The following STX19 variants were observed in gnomAD, a reference collection of about 807,000 sequenced individuals.
STX19 encodes syntaxin 19, also known as syntaxin-19.
STX19 carries 26 observed loss-of-function variants against 24.3 expected under a neutral mutation model. The observed-to-expected ratio is 1.07, with a 90% CI of 0.78 to 1.48. The LOEUF is 1.48. Among genes scored for constraint, STX19 ranks in the 40% most tolerant of loss-of-function variants. The pLI is 0.00. For missense variants in STX19, 367 were observed against 331.9 expected, an observed-to-expected ratio of 1.11 and a Z score of -0.82; for synonymous variants, 116 against 106.9, an observed-to-expected ratio of 1.09 and a Z score of -0.52.
intron 1 of STX19, among the ~76,000 whole-genome samples, chr3:94,018,375 C>G (rs966597652): frequency 1.3e-5 from 2 of 152,180 alleles, no homozygotes; most frequent in Admixed American, 6.5e-5. Context: ...CCCATCAGCA[C>G]TTAACACAAT....
At chr3:94,016,739 C>T (rs1160110719) in intron 1 of STX19, among the ~76,000 whole-genome samples, 1 of 151,906 alleles carries the variant, frequency 6.6e-6, no homozygotes, top group East Asian at 1.9e-4. Context: ...TTCTGCCTCC[C>T]GGGTTTAAGT....
chr3:94,016,672 A>G (rs2076339714), intron 1 of STX19, among the ~76,000 whole-genome samples: 2 of 139,952 alleles, frequency 1.4e-5, no homozygotes, highest in African/African-American at 5.3e-5. Flanking sequence ...TTGGAGATGG[A>G]GTCTTGCTCT....
Position 94,015,182 on chromosome 3 carries a change from CCT to C in STX19, c.86_87del (p.Glu29GlyfsTer13). ...RDSHVSTTETEEQGVFLQQAV... is the reference protein window; with the variant it reads ...RDSHVSTTETXEQGVFLQQAV... The stretch of plus-strand genomic sequence containing the variant: ...GCTTGCTGTAGAAACACCCCTTGTT[CCT>C]CTGTTTCTGTAGTTGATACATGACT... On this transcript the variant is annotated frameshift_variant, in exon 2 of 2. Transcript: ENST00000315099. LOFTEE classifies it high-confidence loss of function. 1 of 1,613,718 alleles carries C rather than the reference CCT, an allele frequency of 6.2e-7. No individual in the cohort carries two copies. The highest frequency in any genetic ancestry group is 8.5e-7 in the Non-Finnish European group (1 of 1,179,862).
intron 1 of STX19, among the ~76,000 whole-genome samples, chr3:94,020,496 C>T (rs545534921): frequency 6.6e-6 from 1 of 152,182 alleles, no homozygotes; most frequent in South Asian, 2.1e-4. Context: ...CATAGCTTTA[C>T]TATGCTATGA....
intron 1 of STX19, among the ~76,000 whole-genome samples, chr3:94,026,468 T>C (rs1253295532): frequency 6.6e-6 from 1 of 152,190 alleles, no homozygotes; most frequent in Non-Finnish European, 1.5e-5. Flanking sequence ...TACTCAAATA[T>C]GTTTATATGC....
At chr3:94,026,988 C>A (rs1576008568) in intron 1 of STX19, among the ~76,000 whole-genome samples, 1 of 151,936 alleles carries the variant, frequency 6.6e-6, no homozygotes, top group Admixed American at 6.6e-5. Context: ...ACTGAAAATC[C>A]CTAGAAACAG....
intron 1 of STX19, among the ~76,000 whole-genome samples, chr3:94,018,735 T>C (rs1004873769): frequency 2.6e-5 from 4 of 152,154 alleles, no homozygotes; most frequent in Admixed American, 6.5e-5. Context: ...ACTCTATTTT[T>C]CCAGTTGCTC....
intron 1 of STX19, among the ~76,000 whole-genome samples, chr3:94,015,673 C>T (rs1187974173): frequency 6.6e-6 from 1 of 151,952 alleles, no homozygotes; most frequent in Non-Finnish European, 1.5e-5. Flanking sequence ...ATACTGTTTC[C>T]GGTTAATTTG....
intron 1 of STX19, among the ~76,000 whole-genome samples, chr3:94,022,675 A>G (rs768327845): frequency 6.6e-6 from 1 of 152,020 alleles, no homozygotes; most frequent in African/African-American, 2.4e-5. Context: ...AGTTTTTTCA[A>G]TGGATAGAGA....
intron 1 of STX19, among the ~76,000 whole-genome samples, chr3:94,016,959 G>T (rs1302428662): frequency 6.6e-6 from 1 of 152,078 alleles, no homozygotes; most frequent in East Asian, 1.9e-4. Flanking sequence ...TAAGCTTTCT[G>T]TCAGAACCAT....
intron 1 of STX19, among the ~76,000 whole-genome samples, chr3:94,021,101 A>T (rs1271432657): frequency 6.6e-6 from 1 of 151,874 alleles, no homozygotes; most frequent in Non-Finnish European, 1.5e-5. Flanking sequence ...ATTAGTCAGG[A>T]GGAATATTAG....
chr3:94,015,588 T>C (rs1206327834), intron 1 of STX19, among the ~76,000 whole-genome samples: 1 of 152,154 alleles, frequency 6.6e-6, no homozygotes, highest in Non-Finnish European at 1.5e-5. Context: ...TTTTTTGTAA[T>C]AAAGAATGCT....
At chr3:94,017,395 A>G (rs2076355656) in intron 1 of STX19, among the ~76,000 whole-genome samples, 3 of 152,202 alleles carry the variant, frequency 2.0e-5, no homozygotes, top group African/African-American at 4.8e-5. Flanking sequence ...GAGCTGCTTC[A>G]TGAGGTGCTG....
chr3:94,018,814 G>A (rs1428006229), intron 1 of STX19, among the ~76,000 whole-genome samples: 5 of 152,086 alleles, frequency 3.3e-5, no homozygotes, highest in East Asian at 1.9e-4. Flanking sequence ...CCCCTAGGCC[G>A]GAGTGCAGTG....
At chr3:94,020,887 A>G (rs1411715379) in intron 1 of STX19, among the ~76,000 whole-genome samples, 3 of 152,138 alleles carry the variant, frequency 2.0e-5, no homozygotes, top group South Asian at 2.1e-4. Flanking sequence ...AGTACAATTT[A>G]TGTAAATAGG....
chr3:94,020,221 T>C (rs1453694810), intron 1 of STX19, among the ~76,000 whole-genome samples: 1 of 152,170 alleles, frequency 6.6e-6, no homozygotes, highest in East Asian at 1.9e-4. Context: ...CTTGAGTTCT[T>C]ATGTTGAGAT....
At chr3:94,024,995 G>C (rs2076526442) in intron 1 of STX19, among the ~76,000 whole-genome samples, 1 of 152,190 alleles carries the variant, frequency 6.6e-6, no homozygotes. Flanking sequence ...TTGGAGCACA[G>C]TGTACACAGG....
At chr3:94,022,011 C>T (rs1464576416) in intron 1 of STX19, among the ~76,000 whole-genome samples, 1 of 152,140 alleles carries the variant, frequency 6.6e-6, no homozygotes, top group Non-Finnish European at 1.5e-5. Flanking sequence ...TTCTCCATTC[C>T]TTAAAGACAG....
In STX19 at chr3:94,014,591, T is replaced by G. The variant is rs754064475; in HGVS notation, c.679A>C (p.Lys227Gln). The G allele has an allele frequency of 6.2e-7, 1 of 1,612,946 alleles. No individual in the cohort carries two copies. The change falls in exon 2 of 2, where the codon AAG becomes CAG. Residue 227 changes from lysine to glutamine, a missense_variant. By Grantham distance (53) the Lys-to-Gln change is moderately conservative. Transcript: ENST00000315099. ...TGAATGAAAAGATCCCTTAAATCCT[T>G]TATTTGGTTCTCCAAATTAACAAGT... ...KELVNLENQI[K>Q]DLRDLFIQIS...
Sources: gnomAD v4.1 joint callset for allele counts (sites outside exome capture counted in the v4.1 genomes callset) on GRCh38, gnomAD v4.1.1 for gene constraint, MANE v1.5 for transcripts, NCBI Gene and HGNC (gene_info 2026-07-23, HGNC 2026-07-21) for gene names.